The following CFTR variants were observed in gnomAD, a reference collection of about 807,000 sequenced individuals.
CFTR encodes cystic fibrosis transmembrane conductance regulator.
In CFTR, 181 loss-of-function variants were observed where a neutral mutation model predicts 171.6. The ratio of observed to expected loss-of-function variants is 1.05; its 90% CI spans 0.93 to 1.19. The LOEUF (loss-of-function observed/expected upper bound fraction) is 1.19, where lower values mean the gene tolerates loss of function less well. Among genes scored for constraint, CFTR ranks in the 50% most tolerant of loss-of-function variants. The probability of loss-of-function intolerance (pLI) is 0.00; values close to 1 mark genes in which losing one functional copy is unlikely to be tolerated. For missense variants in CFTR, 1,968 were observed against 1,734.7 expected (o/e 1.13, Z -2.39); for synonymous variants, 583 against 608.0 (o/e 0.96, Z 0.60).
At chr7:117,581,371 G>T (rs1041771671) in intron 11 of CFTR, among the ~76,000 whole-genome samples, 4 of 152,074 alleles carry the variant, frequency 2.6e-5, no homozygotes, top group Non-Finnish European at 4.4e-5. Context: ...TACGTGATCA[G>T]GCCTTAAAAA....
In CFTR at chr7:117,603,708, C is replaced by T. The variant is rs397508442; in HGVS notation, c.2834C>T (p.Ser945Leu). The change falls in exon 17 of 27, where the codon TCG (serine) becomes TTG (leucine). Residue 945 changes from serine to leucine, a missense_variant. Ser to Leu is a moderately radical substitution (Grantham distance 145, BLOSUM62 -2). Coordinates refer to ENST00000003084, the MANE Select transcript of CFTR (RefSeq NM_000492.4). The stretch of plus-strand genomic sequence containing the variant: ...CTGGTGCATACTCTAATCACAGTGT[C>T]GAAAATTTTACACCACAAAATGTTA... ...LPLVHTLITV[S>L]KILHHKMLHS... The T allele has an allele frequency of 4.1e-5, 66 of 1,614,012 alleles. No individual in the cohort carries two copies. Among genetic ancestry groups the T allele is most frequent in the Admixed American group, 6.7e-5 (4 of 60,004 alleles).
rs753173837 is a variant in CFTR, at chr7:117,667,098, C to G, written c.4433C>G (p.Thr1478Arg). The G allele has an allele frequency of 1.9e-6, 3 of 1,613,762 alleles. No individual in the cohort carries two copies. The highest frequency in any genetic ancestry group is 4.5e-5 in the East Asian group (2 of 44,828). The change falls in exon 27 of 27, where the codon ACA becomes AGA. Residue 1478 changes from threonine to arginine, a missense_variant. Coordinates refer to ENST00000003084, the MANE Select transcript of CFTR (RefSeq NM_000492.4). ...GAGACAGAAGAAGAGGTGCAAGATA[C>G]AAGGCTTTAGAGAGCAGCATAAATG... ...KEETEEEVQD[T>R]RL is the part of the protein sequence containing the mutation.
chr7:117,548,503 A>C (rs1373116515), intron 9 of CFTR, 138 bp from the exon 10 acceptor site: 6 of 1,467,110 alleles, frequency 4.1e-6, no homozygotes, highest in Non-Finnish European at 5.5e-6. Flanking sequence ...TAAAGTAATA[A>C]TGTATACAGT....
At chr7:117,636,525 A>C (rs1453661954) in intron 22 of CFTR, among the ~76,000 whole-genome samples, 1 of 151,328 alleles carries the variant, frequency 6.6e-6, no homozygotes, top group Admixed American at 6.6e-5. Context: ...TTCCCATTAC[A>C]TGTATGTTAC....
chr7:117,511,623 CAG>C (rs1315198577), intron 3 of CFTR, among the ~76,000 whole-genome samples: 1 of 152,052 alleles, frequency 6.6e-6, no homozygotes. Context: ...GGTGAGAAGG[CAG>C]AGAGAAGAAT....
intron 24 of CFTR, among the ~76,000 whole-genome samples, chr7:117,660,659 G>GAC (rs1554397139): frequency 6.9e-6 from 1 of 145,464 alleles, no homozygotes; most frequent in African/African-American, 2.7e-5. Context: ...TTATATTGGG[G>GAC]ATATATATGT....
chr7:117,615,739 G>T (rs1792477341), intron 21 of CFTR, among the ~76,000 whole-genome samples: 1 of 151,728 alleles, frequency 6.6e-6, no homozygotes, highest in Admixed American at 6.6e-5. Flanking sequence ...GCGGGACTGA[G>T]AAATTAAAGG....
At chr7:117,617,165 G>GA (rs1263643764) in intron 21 of CFTR, among the ~76,000 whole-genome samples, 2 of 151,792 alleles carry the variant, frequency 1.3e-5, no homozygotes, top group East Asian at 1.9e-4. Context: ...TAGTCTTTCA[G>GA]AAAAAAATGT....
At chr7:117,638,552 A>G (rs543396494) in intron 22 of CFTR, among the ~76,000 whole-genome samples, 2 of 152,156 alleles carry the variant, frequency 1.3e-5, no homozygotes, top group East Asian at 1.9e-4. Flanking sequence ...CCTGGTCAAC[A>G]TGGTAAAACC....
intron 1 of CFTR, among the ~76,000 whole-genome samples, chr7:117,491,654 G>A (rs1798161534): frequency 6.6e-6 from 1 of 151,950 alleles, no homozygotes; most frequent in Non-Finnish European, 1.5e-5. Flanking sequence ...TTCTCCCTGT[G>A]AGCCTGTCTC....
chr7:117,559,852 C>A (rs1554384489), intron 11 of CFTR, among the ~76,000 whole-genome samples, 197 bp downstream of exon 11: 1 of 151,852 alleles, frequency 6.6e-6, no homozygotes, highest in Non-Finnish European at 1.5e-5. Context: ...GAAATAAATG[C>A]AATTTATTTT....
intron 9 of CFTR, among the ~76,000 whole-genome samples, chr7:117,547,118 A>G (rs1220912376): frequency 6.6e-6 from 1 of 152,236 alleles, no homozygotes; most frequent in African/African-American, 2.4e-5. Flanking sequence ...CCTTTGTCTC[A>G]TTTTAAAATA....
chr7:117,593,980 G>T, intron 14 of CFTR, among the ~76,000 whole-genome samples: 1 of 152,142 alleles, frequency 6.6e-6, no homozygotes, highest in East Asian at 1.9e-4. Flanking sequence ...TAGTTGTAAA[G>T]AATGATATCC....
At chr7:117,506,415 T>G (rs1248745582) in intron 2 of CFTR, among the ~76,000 whole-genome samples, 2 of 152,122 alleles carry the variant, frequency 1.3e-5, no homozygotes, top group African/African-American at 4.8e-5. Context: ...CCTGGCTAAT[T>G]TTTGTATTTT....
chr7:117,627,326 G>A (rs1792665129), intron 21 of CFTR, among the ~76,000 whole-genome samples, 196 bp from the exon 22 acceptor site: 1 of 152,032 alleles, frequency 6.6e-6, no homozygotes, highest in South Asian at 2.1e-4. Flanking sequence ...ATTTATATAA[G>A]TCCTGGTTAT....
chr7:117,622,984 A>C (rs1186182613), intron 21 of CFTR, among the ~76,000 whole-genome samples: 1 of 152,166 alleles, frequency 6.6e-6, no homozygotes, highest in Non-Finnish European at 1.5e-5. Flanking sequence ...AAACATTTTT[A>C]TAAAGATAGT....
At chr7:117,513,608 T>A (rs1050889190) in intron 3 of CFTR, among the ~76,000 whole-genome samples, 2 of 152,172 alleles carry the variant, frequency 1.3e-5, no homozygotes, top group African/African-American at 4.8e-5. Context: ...AAACTATTTT[T>A]ATTTACTTCC....
intron 1 of CFTR, 104 bp downstream of exon 1, chr7:117,480,251 A>AGG: frequency 1.0e-6 from 1 of 981,584 alleles, no homozygotes; most frequent in Non-Finnish European, 1.6e-6. Flanking sequence ...GTTTTTAAAA[A>AGG]GATGCGCTAT....
intron 13 of CFTR, among the ~76,000 whole-genome samples, chr7:117,590,672 C>CTA (rs1279307851): frequency 2.6e-5 from 4 of 152,022 alleles, no homozygotes; most frequent in African/African-American, 9.7e-5. Context: ...TCTCTCATTG[C>CTA]TATACTGTTA....
Sources: allele counts gnomAD v4.1 joint callset (sites outside exome capture counted in the v4.1 genomes callset), GRCh38; gene constraint gnomAD v4.1.1; transcripts MANE v1.5; gene names NCBI Gene and HGNC (gene_info 2026-07-23, HGNC 2026-07-21).